The following AKAP13 variants were observed in gnomAD, a reference collection of about 807,000 sequenced individuals.
AKAP13 encodes A-kinase anchoring protein 13, also known as A-kinase anchor protein 13.
AKAP13 carries 80 observed loss-of-function variants against 264.5 expected under a neutral mutation model. The observed-to-expected ratio is 0.30, with a 90% CI of 0.25 to 0.36. The LOEUF is 0.36. AKAP13 is among the 10% of genes least tolerant of loss of function. The pLI, the probability that AKAP13 is intolerant of heterozygous loss-of-function variation, is 1.00. For synonymous variants in AKAP13, 1,380 were observed against 1,250.2 expected (o/e 1.10, Z -2.19); for missense variants, 3,712 against 3,435.2 (o/e 1.08, Z -2.01).
Position 85,743,582 on chromosome 15 carries a change from A to C in AKAP13, c.8149A>C (p.Lys2717Gln). ...PPSPSAPSIAKSGSLDSELSV... is the reference protein window; with the variant it reads ...PPSPSAPSIAQSGSLDSELSV... The stretch of plus-strand genomic sequence containing the variant: ...CTCGCCATCTGCACCTTCCATAGCC[A>C]AATCAGGGTCATTGGACTCAGAACT... The change falls in exon 36 of 37, where the codon AAA becomes CAA. Residue 2717 changes from lysine (K) to glutamine (Q), a missense_variant. Around this residue, in one of 3 missense-constraint regions of AKAP13, gnomAD observed 611 missense variants for 539.3 expected, o/e 1.13. Coordinates refer to ENST00000394518, the MANE Select transcript of AKAP13 (RefSeq NM_007200.5). 1 of 1,614,138 alleles carries C rather than the reference A, an allele frequency of 6.2e-7. No individual in the cohort carries two copies.
chr15:85,449,085 A>AT, intron 1 of AKAP13, among the ~76,000 whole-genome samples: 1 of 152,068 alleles, frequency 6.6e-6, no homozygotes, highest in Non-Finnish European at 1.5e-5. Context: ...TTTGAGCAGT[A>AT]TTTTATAATT....
chr15:85,582,597 A>G (rs926032463), intron 7 of AKAP13, among the ~76,000 whole-genome samples: 1 of 151,830 alleles, frequency 6.6e-6, no homozygotes, highest in African/African-American at 2.4e-5. Flanking sequence ...AGCTGTAAGT[A>G]TTGTTCTGAG....
intron 2 of AKAP13, among the ~76,000 whole-genome samples, chr15:85,520,133 T>C (rs769312165): frequency 1.3e-5 from 2 of 152,062 alleles, no homozygotes; most frequent in Non-Finnish European, 2.9e-5. Flanking sequence ...TAATTAGGAC[T>C]GTATTTCATA....
At position 85,743,637 on chromosome 15, in the gene AKAP13, C is replaced by G. The variant is rs371207226; in HGVS notation, c.8204C>G (p.Ser2735Cys). The G allele has an allele frequency of 1.9e-6, 3 of 1,614,046 alleles. No individual in the cohort carries two copies. The change falls in exon 36 of 37, where the codon TCT becomes TGT. Residue 2735 changes from serine to cysteine, a missense_variant. By Grantham distance (112) the Ser-to-Cys change is moderately radical. Around this residue, in one of 3 missense-constraint regions of AKAP13, gnomAD observed 611 missense variants for 539.3 expected, o/e 1.13. Coordinates refer to ENST00000394518, the MANE Select transcript of AKAP13 (RefSeq NM_007200.5). ...LSVSPKRNSI[S>C]RTHKDKGPFH... ...GTGTCCCCAAAAAGGAACAGCATCTCTCGGACACACAAAGATAAGGGGCCT... is the reference window on the plus strand; with the variant it reads ...GTGTCCCCAAAAAGGAACAGCATCTGTCGGACACACAAAGATAAGGGGCCT...
intron 17 of AKAP13, among the ~76,000 whole-genome samples, chr15:85,699,007 G>A (rs1377243622): frequency 6.6e-6 from 1 of 150,728 alleles, no homozygotes; most frequent in Non-Finnish European, 1.5e-5. Context: ...TTCAGCCCAA[G>A]GACCATAGTG....
At chr15:85,560,628 C>T (rs1050006877) in intron 5 of AKAP13, among the ~76,000 whole-genome samples, 7 of 151,526 alleles carry the variant, frequency 4.6e-5, no homozygotes, top group African/African-American at 1.2e-4. Context: ...TTATCTATTT[C>T]TATGGTCTTT....
At chr15:85,622,553 G>C (rs2081243404) in intron 8 of AKAP13, among the ~76,000 whole-genome samples, 2 of 152,176 alleles carry the variant, frequency 1.3e-5, no homozygotes, top group African/African-American at 4.8e-5. Context: ...GTGTTGAAAA[G>C]ATTATTCTGG....
Position 85,741,420 on chromosome 15 carries a change from TGA to T in AKAP13, c.7987_7988del (p.Arg2663GlyfsTer42). 1 of 1,612,572 alleles carries T rather than the reference TGA, an allele frequency of 6.2e-7. No individual in the cohort carries two copies. ...ERLRAAQKQLEREQEQLRREA... is the reference protein window; with the variant it reads ...ERLRAAQKQLXREQEQLRREA... ...GACTGCGTGCTGCCCAGAAACAGCT[TGA>T]GAGGGAACAGGAGCAGCTGCGCCGG... On this transcript the variant is annotated frameshift_variant, in exon 35 of 37. Coordinates refer to ENST00000394518, the MANE Select transcript of AKAP13 (RefSeq NM_007200.5). LOFTEE classifies it high-confidence loss of function.
At chr15:85,391,213 ATTAG>A (rs1236081384) in intron 1 of AKAP13, among the ~76,000 whole-genome samples, 13 of 152,374 alleles carry the variant, frequency 8.5e-5, no homozygotes, top group South Asian at 2.1e-4. Flanking sequence ...TTATATCAGA[ATTAG>A]TTAGGATTCT....
intron 8 of AKAP13, among the ~76,000 whole-genome samples, chr15:85,631,170 G>A (rs574717661): frequency 9.9e-5 from 15 of 152,256 alleles, no homozygotes; most frequent in African/African-American, 3.6e-4. Flanking sequence ...AAAGAACCCA[G>A]CATGAAAGAC....
intron 9 of AKAP13, among the ~76,000 whole-genome samples, chr15:85,640,847 A>C (rs1298750945): frequency 7.9e-5 from 12 of 152,308 alleles, no homozygotes. Flanking sequence ...ATCATAGTTT[A>C]ATTTCTATAT....
intron 10 of AKAP13, among the ~76,000 whole-genome samples, chr15:85,646,861 A>G (rs1214390673): frequency 2.0e-5 from 3 of 152,222 alleles, no homozygotes; most frequent in Non-Finnish European, 4.4e-5. Context: ...TTCTAGTGGC[A>G]GCAAGTTCTG....
chr15:85,543,478 A>C (rs890573168), intron 4 of AKAP13, among the ~76,000 whole-genome samples: 1 of 152,220 alleles, frequency 6.6e-6, no homozygotes. Flanking sequence ...TTGGTTGAAC[A>C]AACACTGTGT....
intron 32 of AKAP13, 97 bp from the exon 33 acceptor site, chr15:85,735,993 A>G (rs1271235866): frequency 2.0e-6 from 2 of 987,028 alleles, no homozygotes; most frequent in Non-Finnish European, 3.2e-6. Flanking sequence ...AGGCTGTGGT[A>G]GAAAATGGAA....
At chr15:85,694,717 G>A (rs2085475257) in intron 17 of AKAP13, among the ~76,000 whole-genome samples, 1 of 152,198 alleles carries the variant, frequency 6.6e-6, no homozygotes, top group Non-Finnish European at 1.5e-5. Flanking sequence ...CAAGGAGGCT[G>A]CTTCTGGTCA....
Position 85,585,843 on chromosome 15 carries a change from C to T in AKAP13, c.4161+20C>T, listed in dbSNP as rs750936890. On this transcript the variant is annotated intron_variant, in intron 8 of 36. Transcript: ENST00000394518. ...CAGGCGGTAAGTGGCATCAGTAAGT[C>T]TATAAGGGCACAAAATGTGTTTATC... is the stretch of plus-strand genomic sequence containing the variant. 2.5e-6 allele frequency: 4 copies of T among 1,612,428 alleles called. No homozygotes were observed. Among genetic ancestry groups the T allele is most frequent in the Non-Finnish European group, 3.4e-6 (4 of 1,178,910 alleles).
intron 9 of AKAP13, among the ~76,000 whole-genome samples, chr15:85,643,199 A>AT (rs10674019): frequency 0.13 from 18,481 of 145,440 alleles, 1,906 homozygotes; most frequent in East Asian, 0.37. Context: ...TTCCTATGGC[A>AT]TTTTTTTTTT....
chr15:85,717,056 T>G (rs1171653279), intron 20 of AKAP13: 15 of 444,718 alleles, frequency 3.4e-5, no homozygotes. Context: ...ATCACTTTCT[T>G]TAAAAAGGCT....
intron 1 of AKAP13, among the ~76,000 whole-genome samples, chr15:85,434,441 G>A (rs900113409): frequency 5.7e-4 from 87 of 152,330 alleles, no homozygotes; most frequent in African/African-American, 1.2e-3. Flanking sequence ...CAAAGCAGCC[G>A]GGAAGCTCGA....
Sources: allele counts gnomAD v4.1 joint callset (sites outside exome capture counted in the v4.1 genomes callset), GRCh38; gene constraint gnomAD v4.1.1; regional missense constraint gnomAD v4.1.1; transcripts MANE v1.5; gene names NCBI Gene and HGNC (gene_info 2026-07-23, HGNC 2026-07-21).